Variants in DLGAP1 observed in about 807,000 individuals in gnomAD.
DLGAP1 encodes the protein DLG associated protein 1, also known as disks large-associated protein 1.
A neutral mutation model predicts 90.8 loss-of-function variants in DLGAP1; 11 were observed. The ratio of observed to expected loss-of-function variants is 0.12; its 90% CI spans 0.08 to 0.20. The LOEUF (loss-of-function observed/expected upper bound fraction) is 0.20. Ranked by LOEUF, DLGAP1 falls within the 10% of genes least tolerant of loss-of-function variation. DLGAP1 has a pLI of 1.00. For missense variants in DLGAP1, 1,050 were observed against 1,333.8 expected (o/e 0.79, Z 3.31); for synonymous variants, 558 against 540.7 (o/e 1.03, Z -0.44).
At chr18:4,451,202 C>T (rs2144910774) in intron 1 of DLGAP1, among the ~76,000 whole-genome samples, 1 of 152,274 alleles carries the variant, frequency 6.6e-6, no homozygotes, top group Non-Finnish European at 1.5e-5. Flanking sequence ...CAACACGGCT[C>T]CTGTGCAATA....
intron 7 of DLGAP1, among the ~76,000 whole-genome samples, chr18:3,604,656 A>ATTC (rs1456375871): frequency 1.3e-5 from 2 of 152,144 alleles, no homozygotes; most frequent in Non-Finnish European, 2.9e-5. Context: ...CTGTGGAGTC[A>ATTC]TTCCACATCC....
chr18:3,939,405 A>T (rs1238416621), intron 3 of DLGAP1, among the ~76,000 whole-genome samples: 32 of 124,864 alleles, frequency 2.6e-4, no homozygotes, highest in African/African-American at 9.8e-4. Context: ...TGACAGAGTG[A>T]GATTCTGTCT....
At chr18:4,409,633 G>A (rs1435645547) in intron 1 of DLGAP1, among the ~76,000 whole-genome samples, 5 of 152,030 alleles carry the variant, frequency 3.3e-5, no homozygotes, top group African/African-American at 9.7e-5. Flanking sequence ...AGATGGTATC[G>A]CATTGTGGTT....
chr18:4,130,387 A>C (rs2076295994), intron 2 of DLGAP1, among the ~76,000 whole-genome samples: 1 of 152,222 alleles, frequency 6.6e-6, no homozygotes, highest in Admixed American at 6.5e-5. Context: ...TGGATTAGTA[A>C]GTGAATGTGT....
Position 4,177,999 on chromosome 18 carries a change from T to C in DLGAP1, c.-266-26712A>G, listed in dbSNP as rs919271603. On this transcript the variant is annotated intron_variant, in intron 1 of 12. Transcript: ENST00000315677. ...TTTCCAGACATACATCCCTACCACT[T>C]CCATTCAAACCCTCATCCAATCCTA... Among the ~76,000 whole-genome samples, 22 of 152,148 alleles carry C rather than the reference T, an allele frequency of 1.4e-4. 1 individual carries two copies. The East Asian group carries it at 4.3e-3, about 29-fold the overall frequency.
intron 1 of DLGAP1, among the ~76,000 whole-genome samples, chr18:4,174,428 G>A (rs190949604): frequency 8.6e-4 from 131 of 151,994 alleles, no homozygotes; most frequent in African/African-American, 2.8e-3. Flanking sequence ...TCCGCCCCCC[G>A]GGTTCAAGCA....
At chr18:3,845,041 G>A (rs1228769270) in intron 4 of DLGAP1, among the ~76,000 whole-genome samples, 2 of 152,042 alleles carry the variant, frequency 1.3e-5, no homozygotes, top group Non-Finnish European at 2.9e-5. Flanking sequence ...AGTACCATAA[G>A]CAACCAAATC....
intron 3 of DLGAP1, chr18:3,891,843 G>A (rs1287770244): frequency 1.3e-5 from 2 of 151,926 alleles, no homozygotes; most frequent in East Asian, 1.9e-4. Context: ...CCTGGAACTC[G>A]TGGGCTTAAG....
At chr18:4,201,489 T>C (rs2077605823) in intron 1 of DLGAP1, among the ~76,000 whole-genome samples, 1 of 152,138 alleles carries the variant, frequency 6.6e-6, no homozygotes, top group South Asian at 2.1e-4. Flanking sequence ...GTGTGTCTAT[T>C]TTTGTACCTG....
At chr18:3,732,849 A>G (rs2062492335) in intron 6 of DLGAP1, among the ~76,000 whole-genome samples, 1 of 152,122 alleles carries the variant, frequency 6.6e-6, no homozygotes, top group South Asian at 2.1e-4. Flanking sequence ...TTACAAGAAC[A>G]CAATCTGGGT....
chr18:3,587,493 T>C (rs1407252751), intron 7 of DLGAP1, among the ~76,000 whole-genome samples: 1 of 152,136 alleles, frequency 6.6e-6, no homozygotes, highest in East Asian at 1.9e-4. Flanking sequence ...CGGCACTCTG[T>C]AAAAACGGAC....
At chr18:4,154,452 T>C (rs1218034942) in intron 1 of DLGAP1, among the ~76,000 whole-genome samples, 2 of 152,166 alleles carry the variant, frequency 1.3e-5, no homozygotes, top group Non-Finnish European at 2.9e-5. Flanking sequence ...ATACACCTCA[T>C]ATCATTCATT....
At chr18:3,998,508 G>A (rs2074114859) in intron 3 of DLGAP1, among the ~76,000 whole-genome samples, 1 of 152,076 alleles carries the variant, frequency 6.6e-6, no homozygotes, top group Admixed American at 6.6e-5. Context: ...TTTCTTCAGG[G>A]AGCCTGTGAT....
At chr18:3,630,461 G>A (rs887921756) in intron 7 of DLGAP1, among the ~76,000 whole-genome samples, 5 of 151,952 alleles carry the variant, frequency 3.3e-5, no homozygotes, top group African/African-American at 9.7e-5. Context: ...GGGAATTCTC[G>A]GCCTCTATAA....
chr18:4,212,210 G>C (rs775402200), intron 1 of DLGAP1, among the ~76,000 whole-genome samples: 25 of 152,048 alleles, frequency 1.6e-4, no homozygotes, highest in Admixed American at 4.6e-4. Context: ...AAAGGACACT[G>C]AACTCCAAAT....
At chr18:3,971,183 G>T (rs2073441850) in intron 3 of DLGAP1, among the ~76,000 whole-genome samples, 1 of 152,212 alleles carries the variant, frequency 6.6e-6, no homozygotes, top group Non-Finnish European at 1.5e-5. Flanking sequence ...TTGACCTAGA[G>T]AATGAACCAG....
chr18:3,861,635 C>G (rs1044544587), intron 4 of DLGAP1, among the ~76,000 whole-genome samples: 2 of 152,160 alleles, frequency 1.3e-5, no homozygotes, highest in African/African-American at 2.4e-5. Flanking sequence ...GACTTTCTGC[C>G]CAGTGCCCCC....
At chr18:3,557,999 C>A (rs2053857487) in intron 9 of DLGAP1, among the ~76,000 whole-genome samples, 1 of 151,606 alleles carries the variant, frequency 6.6e-6, no homozygotes, top group African/African-American at 2.4e-5. Flanking sequence ...GGTGAATGTT[C>A]CATATGAGCT....
intron 7 of DLGAP1, among the ~76,000 whole-genome samples, chr18:3,663,548 C>A (rs565281577): frequency 6.6e-6 from 1 of 152,268 alleles, no homozygotes; most frequent in East Asian, 1.9e-4. Flanking sequence ...TGGGCTCAGA[C>A]CTTAAGACCT....
Sources: gnomAD v4.1 joint callset for allele counts (sites outside exome capture counted in the v4.1 genomes callset) on GRCh38, gnomAD v4.1.1 for gene constraint, MANE v1.5 for transcripts, NCBI Gene and HGNC (gene_info 2026-07-23, HGNC 2026-07-21) for gene names.